The following ATP8A1 variants were observed in gnomAD, a reference collection of about 807,000 sequenced individuals.
ATP8A1 encodes ATPase phospholipid transporting 8A1, also known as phospholipid-transporting ATPase IA.
Under a neutral mutation model 177.7 loss-of-function variants are expected in ATP8A1, and 90 were observed. The observed-to-expected ratio is 0.51, with a 90% CI of 0.43 to 0.60. The LOEUF is 0.60. Ranked by LOEUF, ATP8A1 falls within the 20% of genes least tolerant of loss-of-function variation. The probability of loss-of-function intolerance (pLI) is 0.00; values close to 1 mark genes in which losing one functional copy is unlikely to be tolerated. For missense variants in ATP8A1, 1,072 were observed against 1,392.8 expected, an observed-to-expected ratio of 0.77 and a Z score of 3.67; for synonymous variants, 493 against 485.9, an observed-to-expected ratio of 1.01 and a Z score of -0.19.
At chr4:42,587,310 CTTTT>C (rs991848308) in intron 8 of ATP8A1, among the ~76,000 whole-genome samples, 2 of 137,430 alleles carry the variant, frequency 1.5e-5, no homozygotes, top group African/African-American at 5.3e-5. Flanking sequence ...CTTTTCTTTT[CTTTT>C]TTTTTTTTTT....
chr4:42,534,069 G>A (rs1727540485), intron 20 of ATP8A1, among the ~76,000 whole-genome samples: 1 of 152,092 alleles, frequency 6.6e-6, no homozygotes, highest in Non-Finnish European at 1.5e-5. Context: ...CTACCCAAAT[G>A]AGAAGGAACC....
At chr4:42,480,303 C>A (rs1016019405) in intron 25 of ATP8A1, among the ~76,000 whole-genome samples, 2 of 152,088 alleles carry the variant, frequency 1.3e-5, no homozygotes, top group African/African-American at 4.8e-5. Context: ...TATGTTAAAG[C>A]AAACTATTGG....
At chr4:42,494,239 G>A (rs979452130) in intron 24 of ATP8A1, among the ~76,000 whole-genome samples, 3 of 147,782 alleles carry the variant, frequency 2.0e-5, no homozygotes, top group Non-Finnish European at 4.5e-5. Context: ...TTGGGAGGCC[G>A]AGGCGGGTGG....
chr4:42,624,328 T>A (rs573233079), intron 4 of ATP8A1, among the ~76,000 whole-genome samples: 2 of 152,112 alleles, frequency 1.3e-5, no homozygotes, highest in African/African-American at 4.8e-5. Flanking sequence ...AAACTATAAA[T>A]GCAATAGAAC....
intron 32 of ATP8A1, 28 bp from the exon 33 acceptor site, chr4:42,443,700 A>C (rs752189374): frequency 2.9e-6 from 3 of 1,035,022 alleles, no homozygotes; most frequent in Non-Finnish European, 4.6e-6. Flanking sequence ...CTGAGTCAAA[A>C]AAGTTTTATG....
At chr4:42,623,819 C>T (rs1298212791) in intron 4 of ATP8A1, among the ~76,000 whole-genome samples, 1 of 152,090 alleles carries the variant, frequency 6.6e-6, no homozygotes, top group Non-Finnish European at 1.5e-5. Flanking sequence ...ACACGTTTAC[C>T]TATGTAACAA....
chr4:42,615,569 T>C (rs1329023636), intron 5 of ATP8A1, among the ~76,000 whole-genome samples: 2 of 152,212 alleles, frequency 1.3e-5, no homozygotes, highest in Non-Finnish European at 2.9e-5. Context: ...CCATGCACTG[T>C]ACAGAAGCAG....
At chr4:42,595,047 G>C (rs1416567144) in intron 6 of ATP8A1, among the ~76,000 whole-genome samples, 1 of 152,144 alleles carries the variant, frequency 6.6e-6, no homozygotes, top group Non-Finnish European at 1.5e-5. Flanking sequence ...GTGTCACATA[G>C]CTTTTGGCAA....
chr4:42,635,796 T>TACACACATACACACACACACACACAC (rs1739261964), intron 1 of ATP8A1, among the ~76,000 whole-genome samples: 1 of 114,868 alleles, frequency 8.7e-6, no homozygotes, highest in Non-Finnish European at 1.8e-5. Context: ...TATATATATA[T>TACACACATACACACACACACACACAC]ATATATATAT....
chr4:42,479,634 G>A (rs1721446947), intron 25 of ATP8A1, among the ~76,000 whole-genome samples: 1 of 152,224 alleles, frequency 6.6e-6, no homozygotes, highest in Non-Finnish European at 1.5e-5. Context: ...ATTTTGTAAA[G>A]CTTTGGGGAG....
chr4:42,499,279 G>A (rs1006840179), intron 24 of ATP8A1, among the ~76,000 whole-genome samples: 1 of 152,164 alleles, frequency 6.6e-6, no homozygotes, highest in Non-Finnish European at 1.5e-5. Context: ...CATGCCTGTT[G>A]ATTTAATAAA....
At chr4:42,438,743 C>G (rs1716280331) in intron 33 of ATP8A1, among the ~76,000 whole-genome samples, 1 of 151,950 alleles carries the variant, frequency 6.6e-6, no homozygotes, top group Non-Finnish European at 1.5e-5. Flanking sequence ...AGCAATGGGC[C>G]CCAAAAAGAA....
chr4:42,425,918 A>G (rs1299877468), intron 33 of ATP8A1, among the ~76,000 whole-genome samples: 1 of 152,228 alleles, frequency 6.6e-6, no homozygotes, highest in Non-Finnish European at 1.5e-5. Context: ...GGATCAGCTG[A>G]GGAAGCTGCA....
chr4:42,443,775 C>A (rs957804374), intron 32 of ATP8A1, 103 bp from the exon 33 acceptor site: 2 of 622,084 alleles, frequency 3.2e-6, no homozygotes, highest in Non-Finnish European at 5.8e-6. Flanking sequence ...TTATTATATC[C>A]ATAAAAATAT....
At chr4:42,615,588 G>T (rs1284751387) in intron 5 of ATP8A1, among the ~76,000 whole-genome samples, 1 of 152,186 alleles carries the variant, frequency 6.6e-6, no homozygotes, top group Non-Finnish European at 1.5e-5. Flanking sequence ...AGGCCGGGTT[G>T]TATTTGTTTT....
At chr4:42,596,391 T>G (rs1367789036) in intron 6 of ATP8A1, among the ~76,000 whole-genome samples, 1 of 152,090 alleles carries the variant, frequency 6.6e-6, no homozygotes, top group Non-Finnish European at 1.5e-5. Flanking sequence ...AACTATTAGC[T>G]GGGCATGGTG....
At chr4:42,581,420 A>G (rs1733059161) in intron 10 of ATP8A1, among the ~76,000 whole-genome samples, 1 of 152,190 alleles carries the variant, frequency 6.6e-6, no homozygotes, top group South Asian at 2.1e-4. Context: ...GGCGTGAGCC[A>G]CCGCGCCCAG....
intron 25 of ATP8A1, among the ~76,000 whole-genome samples, chr4:42,465,820 CA>C (rs1304064591): frequency 5.3e-5 from 8 of 152,056 alleles, no homozygotes; most frequent in Admixed American, 5.2e-4. Context: ...ATCACGAGGT[CA>C]GGAGATTGAG....
At chr4:42,476,389 C>T (rs28665506) in intron 25 of ATP8A1, among the ~76,000 whole-genome samples, 158 of 151,778 alleles carry the variant, frequency 1.0e-3, no homozygotes, top group African/African-American at 2.7e-3. Context: ...GAGGCTGAGT[C>T]GGGCGGATCT....
Sources: gnomAD v4.1 joint callset for allele counts (sites outside exome capture counted in the v4.1 genomes callset) on GRCh38, gnomAD v4.1.1 for gene constraint, MANE v1.5 for transcripts, NCBI Gene and HGNC (gene_info 2026-07-23, HGNC 2026-07-21) for gene names.